Variants in TRIQK observed in about 807,000 individuals in gnomAD.
TRIQK encodes triple QxxK/R motif-containing protein.
Under a neutral mutation model 10.8 loss-of-function variants are expected in TRIQK, and 10 were observed. The ratio of observed to expected loss-of-function variants is 0.92; its 90% confidence interval spans 0.57 to 1.57. The LOEUF (loss-of-function observed/expected upper bound fraction) is 1.57. TRIQK is among the 40% of genes most tolerant of loss of function. TRIQK has a pLI of 0.00. For missense variants in TRIQK, 107 were observed against 97.7 expected, an observed-to-expected ratio of 1.09 and a Z score of -0.40; for synonymous variants, 33 against 33.7, an observed-to-expected ratio of 0.98 and a Z score of 0.07.
At chr8:92,981,330 C>T (rs2130743881) in intron 1 of TRIQK, among the ~76,000 whole-genome samples, 1 of 151,916 alleles carries the variant, frequency 6.6e-6, no homozygotes, top group East Asian at 1.9e-4. Flanking sequence ...GCTAAATCCT[C>T]TGTTGAATAT....
At chr8:92,957,303 G>C (rs1224419828) in intron 1 of TRIQK, among the ~76,000 whole-genome samples, 1 of 151,344 alleles carries the variant, frequency 6.6e-6, no homozygotes, top group Admixed American at 6.6e-5. Context: ...TAAAATTAAT[G>C]TATGTACATA....
chr8:93,001,638 G>A (rs998863925), intron 1 of TRIQK, among the ~76,000 whole-genome samples: 2 of 152,006 alleles, frequency 1.3e-5, no homozygotes, highest in Non-Finnish European at 2.9e-5. Flanking sequence ...AATATATAAA[G>A]CAAATATTAT....
chr8:92,906,393 A>G (rs1809258970), intron 3 of TRIQK, among the ~76,000 whole-genome samples: 1 of 152,182 alleles, frequency 6.6e-6, no homozygotes, highest in Non-Finnish European at 1.5e-5. Context: ...AATTCCTGGG[A>G]CAACTCAAGT....
rs144633717 is a variant in TRIQK, at chr8:92,947,175, A to G, written c.-22+7231T>C. On this transcript the variant is annotated intron_variant, in intron 2 of 4. Transcript: ENST00000521988. ...ACAGTACAAAAATCTAGTTATTAAGAGACTGGACTTTTCTTTTAATACAGA... is the reference window on the plus strand; with the variant it reads ...ACAGTACAAAAATCTAGTTATTAAGGGACTGGACTTTTCTTTTAATACAGA... Among the ~76,000 whole-genome samples the G allele has an allele frequency of 9.3e-3, 1,412 of 152,268 alleles. 12 individuals carry two copies. The highest frequency in any genetic ancestry group is 0.025 in the African/African-American group (1,059 of 41,552).
intron 2 of TRIQK, among the ~76,000 whole-genome samples, chr8:92,924,198 G>T (rs1033349899): frequency 6.6e-6 from 1 of 151,912 alleles, no homozygotes; most frequent in Admixed American, 6.6e-5. Context: ...AGATGCTGAG[G>T]ATATAATAAA....
At chr8:92,975,598 A>C (rs1392196387) in intron 1 of TRIQK, among the ~76,000 whole-genome samples, 1 of 151,886 alleles carries the variant, frequency 6.6e-6, no homozygotes, top group East Asian at 1.9e-4. Context: ...TAGAGCTTTA[A>C]TTTTATTACC....
chr8:93,017,398 T>C (rs1453219596), intron 1 of TRIQK, among the ~76,000 whole-genome samples: 1 of 152,098 alleles, frequency 6.6e-6, no homozygotes, highest in Non-Finnish European at 1.5e-5. Flanking sequence ...TGTAGCAAAA[T>C]AGGCTTCTTG....
chr8:92,902,617 T>TG (rs1040504493), intron 3 of TRIQK, among the ~76,000 whole-genome samples: 3 of 152,098 alleles, frequency 2.0e-5, no homozygotes, highest in Non-Finnish European at 4.4e-5. Context: ...GGTGTTCCTG[T>TG]GGGGGGATGA....
upstream of TRIQK, among the ~76,000 whole-genome samples, chr8:92,970,229 T>C (rs904195925): frequency 6.6e-6 from 1 of 152,256 alleles, no homozygotes; most frequent in Non-Finnish European, 1.5e-5. Context: ...GTCTTTGCTA[T>C]GGTGCATAGT....
intron 1 of TRIQK, among the ~76,000 whole-genome samples, chr8:93,010,001 T>C (rs1364948986): frequency 6.6e-6 from 1 of 152,086 alleles, no homozygotes; most frequent in South Asian, 2.1e-4. Flanking sequence ...ATTATGATAG[T>C]AAAATTAGCC....
At chr8:92,903,910 G>T (rs1274263552) in intron 3 of TRIQK, among the ~76,000 whole-genome samples, 1 of 151,954 alleles carries the variant, frequency 6.6e-6, no homozygotes, top group African/African-American at 2.4e-5. Context: ...GCACTAAAAA[G>T]AAGAATACAG....
At chr8:92,937,517 C>T (rs1811052085) in intron 2 of TRIQK, among the ~76,000 whole-genome samples, 1 of 150,850 alleles carries the variant, frequency 6.6e-6, no homozygotes, top group Non-Finnish European at 1.5e-5. Flanking sequence ...AATATGTTTG[C>T]ATTTATATCC....
rs189047726 is a variant in TRIQK at position 92,939,956 on chromosome 8, G to T, written c.-22+14450C>A. On this transcript the variant is annotated intron_variant, in intron 2 of 4. Coordinates refer to ENST00000521988, the MANE Select transcript of TRIQK (RefSeq NM_001171797.2). ...AGATCCCAAATAGCAGAATTACCCA[G>T]CCAAGGAATATGTCTTATATCTGGG... 3.8e-4 allele frequency among the ~76,000 whole-genome samples: 58 copies of T among 152,202 alleles called. 1 individual carries two copies. In the East Asian group the frequency reaches 9.5e-3, roughly 25 times the overall value.
intron 2 of TRIQK, among the ~76,000 whole-genome samples, chr8:92,933,023 T>G (rs1234380371): frequency 6.6e-6 from 1 of 152,122 alleles, no homozygotes; most frequent in South Asian, 2.1e-4. Context: ...TAGTAGAGAA[T>G]GTTTTTTAGA....
At chr8:92,924,745 A>C (rs1810360934) in intron 2 of TRIQK, among the ~76,000 whole-genome samples, 1 of 151,762 alleles carries the variant, frequency 6.6e-6, no homozygotes, top group Non-Finnish European at 1.5e-5. Flanking sequence ...TTTCAATATT[A>C]TAAGTCATAT....
At chr8:92,900,300 C>T (rs992617114) in intron 3 of TRIQK, among the ~76,000 whole-genome samples, 5 of 152,048 alleles carry the variant, frequency 3.3e-5, no homozygotes, top group African/African-American at 9.7e-5. Flanking sequence ...AGCTTGTGAA[C>T]TATGATTCAA....
At chr8:93,000,690 A>G (rs1041674344) in intron 1 of TRIQK, among the ~76,000 whole-genome samples, 6 of 152,204 alleles carry the variant, frequency 3.9e-5, no homozygotes, top group African/African-American at 1.4e-4. Context: ...TTGTGGGAAA[A>G]GGGTAAAAGT....
chr8:92,984,112 C>T (rs1450139224), intron 1 of TRIQK, among the ~76,000 whole-genome samples: 1 of 152,014 alleles, frequency 6.6e-6, no homozygotes, highest in Non-Finnish European at 1.5e-5. Flanking sequence ...ATTATTTTTG[C>T]TAATGAAAGA....
chr8:92,964,120 C>T (rs999020057), intron 1 of TRIQK, among the ~76,000 whole-genome samples: 2 of 151,772 alleles, frequency 1.3e-5, no homozygotes, highest in African/African-American at 4.8e-5. Context: ...AAGGGGGCCC[C>T]AAAAGGGAAC....
Sources: allele counts gnomAD v4.1 joint callset (sites outside exome capture counted in the v4.1 genomes callset), GRCh38; gene constraint gnomAD v4.1.1; transcripts MANE v1.5; gene names NCBI Gene and HGNC (gene_info 2026-07-23, HGNC 2026-07-21).